Variants in MAP4 observed in about 807,000 individuals in gnomAD.
MAP4 encodes the protein microtubule-associated protein 4.
MAP4 carries 76 observed loss-of-function variants against 170.2 expected under a neutral mutation model. The ratio of observed to expected loss-of-function variants is 0.45; its 90% CI spans 0.37 to 0.54. The LOEUF (loss-of-function observed/expected upper bound fraction) is 0.54. MAP4 is among the 20% of genes least tolerant of loss of function. The pLI, the probability that MAP4 is intolerant of heterozygous loss-of-function variation, is 0.00. For missense variants in MAP4, 2,506 were observed against 2,748.0 expected, an observed-to-expected ratio of 0.91 and a Z score of 1.97; for synonymous variants, 909 against 994.5, an observed-to-expected ratio of 0.91 and a Z score of 1.62.
Position 47,853,260 on chromosome 3 carries a change from G to A in MAP4, c.6789C>T (p.Ala2263=). 5 of 1,596,742 alleles carry A rather than the reference G, an allele frequency of 3.1e-6. No individual in the cohort carries two copies. The highest frequency in any genetic ancestry group is 1.3e-5 in the African/African-American group (1 of 74,564). ...AISEAAPEAG[A]PTSASGLNGH... is the part of the protein sequence containing the mutation. ...CATTGAGGCCACTGGCTGAAGTGGG[G>A]GCGCCAGCTTCAGGCGCTGCCTCAG... is the stretch of plus-strand genomic sequence containing the variant. The change falls in exon 20 of 21, where the codon GCC becomes GCT. Residue 2263 remains alanine (A), a synonymous_variant. Coordinates refer to ENST00000683076, the MANE Select transcript of MAP4 (RefSeq NM_001385682.1).
chr3:47,871,306 T>A lies in MAP4; in HGVS notation c.5942-20A>T, dbSNP rs761661012. 1.0e-5 allele frequency: 16 copies of A among 1,591,396 alleles called. No homozygotes were observed. Among genetic ancestry groups the A allele is most frequent in the Admixed American group, 3.3e-5 (2 of 59,988 alleles). On this transcript the variant is annotated intron_variant, in intron 13 of 20. Transcript: ENST00000683076. ...TAATGGCTGTACAAAATATACTTAT[T>A]AATATAACATTTAACAAACTGACCT...
chr3:47,976,080 G>A (rs538892991), intron 3 of MAP4, among the ~76,000 whole-genome samples: 1 of 152,276 alleles, frequency 6.6e-6, no homozygotes, highest in African/African-American at 2.4e-5. Context: ...GTGAGCCACC[G>A]CGCCCGGCCT....
At chr3:47,954,453 T>G (rs2100066469) in intron 3 of MAP4, among the ~76,000 whole-genome samples, 1 of 152,210 alleles carries the variant, frequency 6.6e-6, no homozygotes, top group Admixed American at 6.5e-5. Flanking sequence ...CAGATTCATC[T>G]GTACAACTGA....
At chr3:47,958,469 C>A (rs1184941313) in intron 3 of MAP4, among the ~76,000 whole-genome samples, 2 of 152,064 alleles carry the variant, frequency 1.3e-5, no homozygotes, top group African/African-American at 4.8e-5. Flanking sequence ...ATATTCTAAC[C>A]ATTTTCTTCT....
At position 47,871,933 on chromosome 3, in the gene MAP4, C is replaced by T. The variant is rs759812139; in HGVS notation, c.5925G>A (p.Leu1975=). 1.7e-5 allele frequency: 27 copies of T among 1,611,502 alleles called. No homozygotes were observed. Among genetic ancestry groups the T allele is most frequent in the East Asian group, 2.2e-5 (1 of 44,808 alleles). ...GPSSRSPSTL[L]PKKPTAIKTE... is the part of the protein sequence containing the mutation. ...AATACTCACCAGTGGGCTTCTTGGGCAGGAGCGTGGAGGGGCTCCTACTGC... is the reference window on the plus strand; with the variant it reads ...AATACTCACCAGTGGGCTTCTTGGGTAGGAGCGTGGAGGGGCTCCTACTGC... The change falls in exon 13 of 21, where the codon CTG becomes CTA. Residue 1975 remains leucine, a synonymous_variant. Transcript: ENST00000683076.
chr3:47,893,808 T>C (rs1043888935), intron 10 of MAP4, among the ~76,000 whole-genome samples: 1 of 152,076 alleles, frequency 6.6e-6, no homozygotes, highest in Non-Finnish European at 1.5e-5. Context: ...CTGCAATGAT[T>C]TGATGACAGT....
chr3:47,890,216 G>C (rs376279341), intron 10 of MAP4, among the ~76,000 whole-genome samples: 1 of 152,072 alleles, frequency 6.6e-6, no homozygotes, highest in African/African-American at 2.4e-5. Flanking sequence ...TAAGAGCTGT[G>C]GGGGGATGGG....
chr3:48,027,623 T>G (rs987075009), intron 1 of MAP4, among the ~76,000 whole-genome samples: 1 of 151,994 alleles, frequency 6.6e-6, no homozygotes, highest in African/African-American at 2.4e-5. Context: ...AATGGGAGGA[T>G]CCCTTAAGCC....
At chr3:48,041,197 C>T (rs190645870) in intron 1 of MAP4, among the ~76,000 whole-genome samples, 104 of 151,876 alleles carry the variant, frequency 6.8e-4, no homozygotes, top group African/African-American at 2.3e-3. Context: ...CTGCAACCTC[C>T]GCCTCCCGGG....
chr3:48,068,205 C>T (rs2100139213), intron 1 of MAP4, among the ~76,000 whole-genome samples: 1 of 130,560 alleles, frequency 7.7e-6, no homozygotes, highest in Non-Finnish European at 1.5e-5. Flanking sequence ...GCAGAGGCTG[C>T]AATGAGCCAA....
intron 2 of MAP4, among the ~76,000 whole-genome samples, chr3:47,979,520 A>G (rs1440907138): frequency 6.6e-6 from 1 of 152,128 alleles, no homozygotes; most frequent in East Asian, 1.9e-4. Context: ...CAGTGGCGCA[A>G]TCTTGACGCT....
At chr3:47,952,164 G>A (rs1342852851) in intron 3 of MAP4, among the ~76,000 whole-genome samples, 4 of 151,076 alleles carry the variant, frequency 2.6e-5, no homozygotes, top group African/African-American at 9.8e-5. Flanking sequence ...CAGCCACCCC[G>A]TCTGGGAAGT....
chr3:47,901,257 C>T (rs1340552606), intron 10 of MAP4, among the ~76,000 whole-genome samples: 1 of 152,184 alleles, frequency 6.6e-6, no homozygotes. Flanking sequence ...GGAAAACTGT[C>T]TGTTTTCCAC....
chr3:48,021,937 C>A (rs1003467804), intron 1 of MAP4, among the ~76,000 whole-genome samples: 4 of 152,038 alleles, frequency 2.6e-5, no homozygotes, highest in Non-Finnish European at 4.4e-5. Flanking sequence ...GGTACCTGCA[C>A]AATCACCAAG....
chr3:47,862,430 CTTGT>C (rs1190041981), intron 17 of MAP4, among the ~76,000 whole-genome samples: 3 of 138,664 alleles, frequency 2.2e-5, no homozygotes, highest in Non-Finnish European at 4.6e-5. Flanking sequence ...AGAGTTATAG[CTTGT>C]ATTATCTTAT....
At chr3:48,055,572 C>T (rs1481815714) in intron 1 of MAP4, among the ~76,000 whole-genome samples, 3 of 139,242 alleles carry the variant, frequency 2.2e-5, no homozygotes, top group Non-Finnish European at 3.1e-5. Context: ...ACCTCCCAGC[C>T]GCCTGCCTTG....
intron 1 of MAP4, among the ~76,000 whole-genome samples, chr3:48,075,447 C>T (rs1007785101): frequency 1.3e-5 from 2 of 151,784 alleles, no homozygotes; most frequent in Non-Finnish European, 2.9e-5. Context: ...ATTGCTTGAA[C>T]CTGGAAGGCA....
intron 1 of MAP4, among the ~76,000 whole-genome samples, chr3:48,033,348 T>A (rs2100117138): frequency 6.6e-6 from 1 of 152,214 alleles, no homozygotes; most frequent in Non-Finnish European, 1.5e-5. Flanking sequence ...TGGATTTTTA[T>A]CTTCTATTTA....
At chr3:48,057,607 A>AC (rs2154555543) in intron 1 of MAP4, among the ~76,000 whole-genome samples, 1 of 114,238 alleles carries the variant, frequency 8.8e-6, no homozygotes, top group African/African-American at 3.0e-5. Flanking sequence ...AATTATCAAT[A>AC]AAAAAATAAA....
Sources: gnomAD v4.1 joint callset for allele counts (sites outside exome capture counted in the v4.1 genomes callset) on GRCh38, gnomAD v4.1.1 for gene constraint, MANE v1.5 for transcripts, NCBI Gene and HGNC (gene_info 2026-07-23, HGNC 2026-07-21) for gene names.